FRK: variants seen among roughly 807,000 people sequenced by gnomAD.
The protein encoded by FRK is tyrosine-protein kinase FRK.
A neutral mutation model predicts 56.4 loss-of-function variants in FRK; 51 were observed. The ratio of observed to expected loss-of-function variants is 0.90; its 90% CI spans 0.72 to 1.14. The LOEUF is 1.14. Ranked by LOEUF, FRK falls within the 50% of genes most tolerant of loss-of-function variation. The probability of loss-of-function intolerance (pLI) is 0.00; values close to 1 mark genes in which losing one functional copy is unlikely to be tolerated. For synonymous variants in FRK, 245 were observed against 217.9 expected (o/e 1.12, Z -1.10); for missense variants, 570 against 601.4 (o/e 0.95, Z 0.55).
chr6:116,088,091 C>T, the FRK span, among the ~76,000 whole-genome samples: 17 of 152,310 alleles, frequency 1.1e-4, 1 homozygote, highest in South Asian at 3.5e-3. Flanking sequence ...TTTCATGGGA[C>T]ATGCCAGCAG....
At chr6:116,005,337 G>A (rs1775209282) in intron 1 of FRK, among the ~76,000 whole-genome samples, 1 of 152,170 alleles carries the variant, frequency 6.6e-6, no homozygotes, top group Admixed American at 6.6e-5. Context: ...GTCATCTGGA[G>A]CTCTGCTCGA....
intron 2 of FRK, 100 bp downstream of exon 2, chr6:116,003,777 A>C: frequency 7.2e-7 from 1 of 1,392,136 alleles, no homozygotes; most frequent in Admixed American, 2.1e-5. Context: ...AAAGATAAGA[A>C]ATAAGGCAAA....
the FRK span, among the ~76,000 whole-genome samples, chr6:116,067,828 G>A: frequency 6.6e-6 from 1 of 152,170 alleles, no homozygotes; most frequent in African/African-American, 2.4e-5. Context: ...CTGAGAGGCT[G>A]ATGATGGGAT....
chr6:116,095,124 A>G, the FRK span, among the ~76,000 whole-genome samples: 1 of 152,248 alleles, frequency 6.6e-6, no homozygotes, highest in Non-Finnish European at 1.5e-5. Context: ...CAGGTTTCCT[A>G]ACAGGGGATC....
Position 116,017,231 on chromosome 6 carries a change from T to C in FRK, c.345-13233A>G, listed in dbSNP as rs1218782783. ...AAGCAGAAAGCTGTCTCCTTACACGTTTTAAGTTCAGCCTAAAGGTTTCTC... is the reference window on the plus strand; with the variant it reads ...AAGCAGAAAGCTGTCTCCTTACACGCTTTAAGTTCAGCCTAAAGGTTTCTC... On this transcript the variant is annotated intron_variant, in intron 1 of 7. Coordinates refer to ENST00000606080, the MANE Select transcript of FRK (RefSeq NM_002031.3). Among the ~76,000 whole-genome samples the C allele has an allele frequency of 7.2e-5, 11 of 152,238 alleles. No homozygotes were observed. The East Asian group carries it at 2.1e-3, about 29-fold the overall frequency.
intron 5 of FRK, among the ~76,000 whole-genome samples, chr6:115,951,295 A>G (rs1427801927): frequency 6.6e-6 from 1 of 152,228 alleles, no homozygotes; most frequent in African/African-American, 2.4e-5. Flanking sequence ...ATCCTCTCCT[A>G]TCACTACCTC....
At chr6:115,944,110 G>T in intron 6 of FRK, 134 bp downstream of exon 6, 2 of 621,860 alleles carry the variant, frequency 3.2e-6, no homozygotes, top group Non-Finnish European at 2.6e-6. Context: ...TAAGGCTTTG[G>T]ACTACTGAAG....
At chr6:116,081,009 G>A in the FRK span, among the ~76,000 whole-genome samples, 4 of 152,214 alleles carry the variant, frequency 2.6e-5, no homozygotes, top group Non-Finnish European at 4.4e-5. Flanking sequence ...CAAGGTGGAA[G>A]GCAAAGGAGG....
At chr6:115,991,132 C>G (rs1774588771) in intron 2 of FRK, among the ~76,000 whole-genome samples, 1 of 151,824 alleles carries the variant, frequency 6.6e-6, no homozygotes, top group African/African-American at 2.4e-5. Context: ...TATCTGGAAA[C>G]TTTACTGAAG....
chr6:116,089,819 G>C, the FRK span, among the ~76,000 whole-genome samples: 3 of 151,986 alleles, frequency 2.0e-5, no homozygotes, highest in Non-Finnish European at 2.9e-5. Context: ...TTTAAAATAT[G>C]ACTTTTGGAC....
intron 5 of FRK, among the ~76,000 whole-genome samples, chr6:115,953,989 A>G (rs1307767665): frequency 6.6e-6 from 1 of 152,256 alleles, no homozygotes; most frequent in Non-Finnish European, 1.5e-5. Flanking sequence ...GATAAAATAA[A>G]AAGCAAGGGA....
chr6:116,077,960 G>A, the FRK span, among the ~76,000 whole-genome samples: 4 of 152,214 alleles, frequency 2.6e-5, no homozygotes, highest in Admixed American at 6.5e-5. Context: ...AGAAGTTCAA[G>A]ACCAGCCTGG....
At chr6:115,982,114 G>T (rs1458508326) in intron 2 of FRK, among the ~76,000 whole-genome samples, 1 of 152,036 alleles carries the variant, frequency 6.6e-6, no homozygotes, top group Non-Finnish European at 1.5e-5. Context: ...TCATCAATGT[G>T]GGCCAGCATC....
At chr6:116,078,135 G>T in the FRK span, among the ~76,000 whole-genome samples, 1 of 152,084 alleles carries the variant, frequency 6.6e-6, no homozygotes, top group Non-Finnish European at 1.5e-5. Flanking sequence ...ACTCCAGCCT[G>T]GGCAACAAGA....
At position 115,944,253 on chromosome 6, in the gene FRK, T is replaced by C. The variant is rs1313375497; in HGVS notation, c.1131A>G (p.Arg377=). 3 of 1,605,650 alleles carry C rather than the reference T, an allele frequency of 1.9e-6. No homozygotes were observed. The highest frequency in any genetic ancestry group is 2.5e-6 in the Non-Finnish European group (3 of 1,177,936). ...IYKVADFGLA[R]VFKVDNEDIY... The stretch of plus-strand genomic sequence containing the variant: ...ACAAAACTAAATCCACCTTAAAAAC[T>C]CTGGCAAGTCCAAAATCTGCTACTT... Residue 377 remains arginine, a synonymous_variant, in exon 6 of 8, where the codon AGA becomes AGG. Transcript: ENST00000606080.
intron 1 of FRK, among the ~76,000 whole-genome samples, chr6:116,025,913 CCTCATCTGAGTTAAACTGAGATGAGGAAA>C (rs1213222263): frequency 6.6e-6 from 1 of 152,116 alleles, no homozygotes; most frequent in Non-Finnish European, 1.5e-5. Context: ...GCCTCAGTTT[CCTCATCTGAGTTAAACTGAGATGAGGAAA>C]CTCATCTGAG....
chr6:116,089,530 A>G, the FRK span, among the ~76,000 whole-genome samples: 1 of 152,236 alleles, frequency 6.6e-6, no homozygotes, highest in Non-Finnish European at 1.5e-5. Flanking sequence ...GTCCAAGATC[A>G]AGGTGTCAGC....
At chr6:115,949,721 C>A (rs1772638900) in intron 5 of FRK, among the ~76,000 whole-genome samples, 1 of 152,092 alleles carries the variant, frequency 6.6e-6, no homozygotes. Context: ...CCCGTATAGC[C>A]AAGACAATCC....
At chr6:116,074,531 T>C in the FRK span, among the ~76,000 whole-genome samples, 1 of 152,320 alleles carries the variant, frequency 6.6e-6, no homozygotes, top group East Asian at 1.9e-4. Context: ...TTTTAAATTA[T>C]TTATTTAAAA....
Sources: allele counts gnomAD v4.1 joint callset (sites outside exome capture counted in the v4.1 genomes callset), GRCh38; gene constraint gnomAD v4.1.1; transcripts MANE v1.5; gene names NCBI Gene and HGNC (gene_info 2026-07-23, HGNC 2026-07-21).